Variants in OPCML observed in about 807,000 individuals in gnomAD.
OPCML encodes the protein opioid binding protein/cell adhesion molecule like.
A neutral mutation model predicts 37.8 loss-of-function variants in OPCML; 13 were observed. The ratio of observed to expected loss-of-function variants is 0.34; its 90% CI spans 0.22 to 0.55. The LOEUF (loss-of-function observed/expected upper bound fraction) is 0.55. OPCML is among the 20% of genes least tolerant of loss of function. The probability of loss-of-function intolerance (pLI) is 0.91; values close to 1 mark genes in which losing one functional copy is unlikely to be tolerated. For missense variants in OPCML, 341 were observed against 435.6 expected, an observed-to-expected ratio of 0.78 and a Z score of 1.93; for synonymous variants, 176 against 168.8, an observed-to-expected ratio of 1.04 and a Z score of -0.33.
chr11:132,509,371 T>G (rs1025792079), intron 4 of OPCML, among the ~76,000 whole-genome samples: 1 of 152,010 alleles, frequency 6.6e-6, no homozygotes. Context: ...TAGGGAGAAA[T>G]TCACGCCAGC....
intron 2 of OPCML, among the ~76,000 whole-genome samples, chr11:132,776,647 C>T (rs983686838): frequency 6.6e-6 from 1 of 152,094 alleles, no homozygotes; most frequent in African/African-American, 2.4e-5. Flanking sequence ...AGTGGAAGCT[C>T]CCTGAGGCCT....
At position 132,732,352 on chromosome 11, in the gene OPCML, C is replaced by T. The variant is rs146206337; in HGVS notation, c.147-75033G>A. ...TCGTGGACAAATCCCAGGTTTCTGACAAGACTTGCTAAGAGAGATTGTGGT... is the reference window on the plus strand; with the variant it reads ...TCGTGGACAAATCCCAGGTTTCTGATAAGACTTGCTAAGAGAGATTGTGGT... On this transcript the variant is annotated intron_variant, in intron 2 of 7. Transcript: ENST00000524381. Among the ~76,000 whole-genome samples, 317 of 152,224 alleles carry T rather than the reference C, an allele frequency of 2.1e-3. 2 individuals are homozygous for T. Among genetic ancestry groups the T allele is most frequent in the African/African-American group, 7.5e-3 (311 of 41,540 alleles).
intron 2 of OPCML, among the ~76,000 whole-genome samples, chr11:132,726,907 T>G (rs1348851160): frequency 6.6e-6 from 1 of 152,156 alleles, no homozygotes; most frequent in Non-Finnish European, 1.5e-5. Context: ...TTTTTCTAGT[T>G]GTTCAGTATA....
chr11:133,277,600 G>A (rs36000611), intron 1 of OPCML, among the ~76,000 whole-genome samples: 1,848 of 152,018 alleles, frequency 0.012, 10 homozygotes, highest in Middle Eastern at 0.024. Flanking sequence ...TTTAAGTTAC[G>A]CGAGGCCAGG....
chr11:132,978,480 A>G (rs1204251976), intron 1 of OPCML, among the ~76,000 whole-genome samples: 1 of 152,172 alleles, frequency 6.6e-6, no homozygotes, highest in Non-Finnish European at 1.5e-5. Context: ...CATCATTCCA[A>G]AAGAAGTGAT....
At chr11:133,079,753 T>C (rs1003520850) in intron 1 of OPCML, among the ~76,000 whole-genome samples, 1 of 151,940 alleles carries the variant, frequency 6.6e-6, no homozygotes, top group East Asian at 1.9e-4. Context: ...TCCGCCTGCC[T>C]GTTGTAAGGT....
chr11:133,050,085 G>C (rs1027511937), intron 1 of OPCML, among the ~76,000 whole-genome samples: 1 of 152,154 alleles, frequency 6.6e-6, no homozygotes, highest in Non-Finnish European at 1.5e-5. Flanking sequence ...CCTTCCCTGA[G>C]GGAGAGATTC....
intron 2 of OPCML, among the ~76,000 whole-genome samples, chr11:132,888,989 A>G (rs1943534825): frequency 6.6e-6 from 1 of 152,216 alleles, no homozygotes; most frequent in South Asian, 2.1e-4. Flanking sequence ...TTTATCTGAG[A>G]GCAGTGCCAC....
At chr11:132,432,033 A>G (rs1311064231) in intron 7 of OPCML, among the ~76,000 whole-genome samples, 1 of 152,230 alleles carries the variant, frequency 6.6e-6, no homozygotes, top group Non-Finnish European at 1.5e-5. Context: ...CACCATGTCC[A>G]TGATGGGTTG....
intron 1 of OPCML, among the ~76,000 whole-genome samples, chr11:133,058,191 T>C (rs1315485828): frequency 2.6e-5 from 4 of 152,156 alleles, no homozygotes; most frequent in Non-Finnish European, 4.4e-5. Context: ...ATTAAAGTTA[T>C]CAAACCATAG....
intron 1 of OPCML, among the ~76,000 whole-genome samples, chr11:133,334,934 T>TGGTGC (rs1489909294): frequency 1.3e-5 from 2 of 152,212 alleles, no homozygotes; most frequent in Non-Finnish European, 2.9e-5. Context: ...TCTTACCTAC[T>TGGTGC]GGTGCGCTCC....
At chr11:132,469,579 G>A (rs1330629176) in intron 4 of OPCML, among the ~76,000 whole-genome samples, 1 of 141,566 alleles carries the variant, frequency 7.1e-6, no homozygotes, top group African/African-American at 2.6e-5. Context: ...GTGTATATGT[G>A]TATGGATGTA....
intron 3 of OPCML, among the ~76,000 whole-genome samples, chr11:132,567,057 A>G (rs988137967): frequency 2.6e-5 from 4 of 152,042 alleles, no homozygotes; most frequent in African/African-American, 9.7e-5. Context: ...GGATGACAGT[A>G]TAGATTCTAC....
At chr11:132,903,048 C>A (rs1167937558) in intron 2 of OPCML, among the ~76,000 whole-genome samples, 3 of 152,230 alleles carry the variant, frequency 2.0e-5, no homozygotes, top group Middle Eastern at 3.4e-3. Context: ...CATTTCCTAC[C>A]CCTCATACTT....
At chr11:133,199,775 G>T (rs1006065027) in intron 1 of OPCML, among the ~76,000 whole-genome samples, 1 of 152,116 alleles carries the variant, frequency 6.6e-6, no homozygotes, top group Non-Finnish European at 1.5e-5. Context: ...GTTTACCATT[G>T]CTTGTCTTTT....
At chr11:132,530,306 A>C (rs573366188) in intron 3 of OPCML, among the ~76,000 whole-genome samples, 11 of 121,312 alleles carry the variant, frequency 9.1e-5, no homozygotes, top group Admixed American at 6.5e-4. Context: ...GATGCTCTTC[A>C]ACTTAAAGGT....
chr11:132,537,887 T>C (rs1028488236), intron 3 of OPCML, among the ~76,000 whole-genome samples: 1 of 152,154 alleles, frequency 6.6e-6, no homozygotes, highest in African/African-American at 2.4e-5. Context: ...CCCACTATGA[T>C]GACTTTAATC....
At chr11:133,328,173 T>C (rs1028536617) in intron 1 of OPCML, among the ~76,000 whole-genome samples, 2 of 151,586 alleles carry the variant, frequency 1.3e-5, no homozygotes, top group African/African-American at 4.8e-5. Flanking sequence ...TTTTTTTTTT[T>C]TTGAGATGAA....
chr11:133,160,634 C>T (rs564175603), intron 1 of OPCML, among the ~76,000 whole-genome samples: 2 of 152,348 alleles, frequency 1.3e-5, no homozygotes, highest in South Asian at 4.2e-4. Flanking sequence ...CAACCTTCTT[C>T]CCTGATTCCC....
Sources: gnomAD v4.1 joint callset for allele counts (sites outside exome capture counted in the v4.1 genomes callset) on GRCh38, gnomAD v4.1.1 for gene constraint, MANE v1.5 for transcripts, NCBI Gene and HGNC (gene_info 2026-07-23, HGNC 2026-07-21) for gene names.